Variants in CAMK2B observed in about 807,000 individuals in gnomAD.
CAMK2B encodes the protein calcium/calmodulin-dependent protein kinase type II subunit beta.
Under a neutral mutation model 93.7 loss-of-function variants are expected in CAMK2B, and 27 were observed. The ratio of observed to expected loss-of-function variants is 0.29; its 90% confidence interval spans 0.21 to 0.40. CAMK2B has a LOEUF of 0.40. Ranked by LOEUF, CAMK2B falls within the 10% of genes least tolerant of loss-of-function variation. The pLI, the probability that CAMK2B is intolerant of heterozygous loss-of-function variation, is 1.00. For synonymous variants in CAMK2B, 374 were observed against 358.8 expected, an observed-to-expected ratio of 1.04 and a Z score of -0.48; for missense variants, 568 against 895.8, an observed-to-expected ratio of 0.63 and a Z score of 4.67.
In CAMK2B at chr7:44,258,390, T is replaced by C. The variant is rs149336818; in HGVS notation, c.275+482A>G. 7.5e-4 allele frequency among the ~76,000 whole-genome samples: 115 copies of C among 152,320 alleles called. 1 individual carries two copies. Among genetic ancestry groups the C allele is most frequent in the African/African-American group, 2.6e-3 (107 of 41,572 alleles). ...CACCCATATGGACCCTGATTTCATG[T>C]GCTCACGCGCCCCCACGTGCAAACA... On this transcript the variant is annotated intron_variant, in intron 4 of 23. Transcript: ENST00000395749.
intron 20 of CAMK2B, chr7:44,226,033 C>G: frequency 1.5e-6 from 1 of 661,352 alleles, no homozygotes; most frequent in South Asian, 1.8e-5. Context: ...CCCCCAGATC[C>G]GCGCCTCCCG....
intron 8 of CAMK2B, among the ~76,000 whole-genome samples, chr7:44,242,958 CCT>C (rs1237392238): frequency 1.3e-5 from 2 of 152,198 alleles, no homozygotes; most frequent in Non-Finnish European, 2.9e-5. Flanking sequence ...CCCAACAGCC[CCT>C]GACCTCTCTT....
intron 1 of CAMK2B, among the ~76,000 whole-genome samples, chr7:44,299,113 T>C (rs558705310): frequency 3.8e-4 from 58 of 152,308 alleles, no homozygotes; most frequent in Middle Eastern, 3.4e-3. Flanking sequence ...GCAGCATTAT[T>C]CACAATAGTC....
At chr7:44,221,017 G>C (rs1042454571) in intron 20 of CAMK2B, 116 bp from the exon 21 acceptor site, 28 of 809,358 alleles carry the variant, frequency 3.5e-5, no homozygotes, top group Non-Finnish European at 4.4e-5. Context: ...CCGTGTTCCT[G>C]CCGCTATTTG....
chr7:44,227,940 G>C (rs1006952708), intron 19 of CAMK2B, among the ~76,000 whole-genome samples: 1 of 134,530 alleles, frequency 7.4e-6, no homozygotes, highest in South Asian at 2.8e-4. Flanking sequence ...TAGGCTGACC[G>C]AGGGGGATAT....
In CAMK2B at chr7:44,284,159, G is replaced by T. The variant is rs1272808216; in HGVS notation, c.132C>A (p.Ile44=). The change falls in exon 2 of 24, where the codon ATC becomes ATA. Residue 44 remains isoleucine, a synonymous_variant. Coordinates refer to ENST00000395749, the MANE Select transcript of CAMK2B (RefSeq NM_001220.5). ...TGGCTGACAGCTTCTTGGTGTTGAT[G>T]ATCTTGGCTGCATACTCATGGCCGG... ...LCTGHEYAAK[I]INTKKLSARD... is the part of the protein sequence containing the mutation. 6.2e-7 allele frequency: 1 copy of T among 1,613,830 alleles called. No individual in the cohort carries two copies. The highest frequency in any genetic ancestry group is 8.5e-7 in the Non-Finnish European group (1 of 1,179,862).
chr7:44,242,300 T>C lies in CAMK2B; in HGVS notation c.737A>G (p.Lys246Arg). The change falls in exon 10 of 24, where the codon AAA becomes AGA. Residue 246 changes from lysine (K) to arginine (R), a missense_variant. Coordinates refer to ENST00000395749, the MANE Select transcript of CAMK2B (RefSeq NM_001220.5). The stretch of plus-strand genomic sequence containing the variant: ...GGTCAGCATCTGGTTGATGAGGTTT[T>C]TGGCTTCAGGAGTGACGGTGTCCCA... Reference protein sequence around the residue: ...PEWDTVTPEAKNLINQMLTIN... With the variant: ...PEWDTVTPEARNLINQMLTIN... 1 of 1,614,060 alleles carries C rather than the reference T, an allele frequency of 6.2e-7. No homozygotes were observed. Among genetic ancestry groups the C allele is most frequent in the Non-Finnish European group, 8.5e-7 (1 of 1,179,926 alleles).
At chr7:44,220,430 G>T in intron 22 of CAMK2B, 136 bp from the exon 23 acceptor site, 1 of 868,320 alleles carries the variant, frequency 1.2e-6, no homozygotes. Flanking sequence ...GGAGCAGCAT[G>T]GGCCCCTCCA....
chr7:44,267,525 G>A (rs975439730), intron 2 of CAMK2B, among the ~76,000 whole-genome samples: 6 of 152,150 alleles, frequency 3.9e-5, no homozygotes, highest in East Asian at 1.9e-4. Context: ...CACCCTAAAC[G>A]GAGGCAAGGG....
chr7:44,269,729 T>C (rs2096955504), intron 2 of CAMK2B, among the ~76,000 whole-genome samples: 1 of 152,078 alleles, frequency 6.6e-6, no homozygotes, highest in African/African-American at 2.4e-5. Flanking sequence ...AAGGCCCACC[T>C]GTGTCAGGAG....
intron 3 of CAMK2B, among the ~76,000 whole-genome samples, chr7:44,260,938 T>C (rs1242842167): frequency 6.6e-6 from 1 of 152,210 alleles, no homozygotes; most frequent in East Asian, 1.9e-4. Flanking sequence ...ACCGGGGCTG[T>C]CTGTGAGCCG....
At chr7:44,299,577 A>C (rs1789317608) in intron 1 of CAMK2B, among the ~76,000 whole-genome samples, 1 of 148,644 alleles carries the variant, frequency 6.7e-6, no homozygotes, top group South Asian at 2.1e-4. Flanking sequence ...AATAAATAAA[A>C]AGAATAATTT....
At chr7:44,285,370 C>T (rs1165871601) in intron 1 of CAMK2B, among the ~76,000 whole-genome samples, 2 of 152,194 alleles carry the variant, frequency 1.3e-5, no homozygotes, top group Non-Finnish European at 2.9e-5. Flanking sequence ...AGCCCACCAC[C>T]AGGTGGGCAC....
chr7:44,277,824 G>C (rs533683268), intron 2 of CAMK2B, among the ~76,000 whole-genome samples: 2 of 148,944 alleles, frequency 1.3e-5, no homozygotes, highest in Non-Finnish European at 3.0e-5. Context: ...TGAATAGCAG[G>C]GGGGAAGGCC....
chr7:44,314,670 G>A (rs1484742741), intron 1 of CAMK2B, among the ~76,000 whole-genome samples: 2 of 152,194 alleles, frequency 1.3e-5, no homozygotes, highest in African/African-American at 4.8e-5. Flanking sequence ...ACCCACCAAA[G>A]TATTTTTCAT....
intron 1 of CAMK2B, among the ~76,000 whole-genome samples, chr7:44,291,642 A>G (rs1026444857): frequency 1.3e-5 from 2 of 152,214 alleles, no homozygotes; most frequent in African/African-American, 2.4e-5. Context: ...CCACATTTTG[A>G]CTGAGATCAT....
intron 1 of CAMK2B, among the ~76,000 whole-genome samples, chr7:44,284,706 A>T (rs1262349312): frequency 6.6e-6 from 1 of 152,198 alleles, no homozygotes; most frequent in Non-Finnish European, 1.5e-5. Context: ...CCTTGTCTGG[A>T]AGGCCCAGCT....
In CAMK2B at chr7:44,225,653, G is replaced by C. The variant is rs1272692155; in HGVS notation, c.1597+863C>G. The C allele has an allele frequency of 2.5e-5, 26 of 1,027,204 alleles. No homozygotes were observed. The highest frequency in any genetic ancestry group is 3.4e-5 in the Non-Finnish European group (26 of 754,810). 63.6% of individuals were successfully genotyped at this position (1,027,204 alleles called of 1,614,324 possible). ...CCCCTCCTCGAGCCGCTGCTCCTGT[G>C]GGTTCACTCTCCCCACACCCTTCTG... On this transcript the variant is annotated intron_variant, in intron 20 of 23. Transcript: ENST00000395749. The surrounding 1 kb of genome is among the most constrained non-coding windows in gnomAD (Gnocchi z 5.0).
At chr7:44,273,521 C>T (rs1445566451) in intron 2 of CAMK2B, among the ~76,000 whole-genome samples, 1 of 136,894 alleles carries the variant, frequency 7.3e-6, no homozygotes, top group Non-Finnish European at 1.7e-5. Context: ...GCTAGGCCAT[C>T]CCTCCCAGCC....
Sources: allele counts gnomAD v4.1 joint callset (sites outside exome capture counted in the v4.1 genomes callset), GRCh38; gene constraint gnomAD v4.1.1; non-coding constraint Gnocchi (gnomAD v3.1); transcripts MANE v1.5; gene names NCBI Gene and HGNC (gene_info 2026-07-23, HGNC 2026-07-21).